The following DPH6 variants were observed in gnomAD, a reference collection of about 807,000 sequenced individuals.
DPH6 encodes diphthamine biosynthesis 6.
Under a neutral mutation model 38.2 loss-of-function variants are expected in DPH6, and 33 were observed. That is an observed-to-expected ratio of 0.86 (90% CI 0.65 to 1.15). DPH6 has a LOEUF of 1.15. Among genes scored for constraint, DPH6 ranks in the 50% most tolerant of loss-of-function variants. The pLI is 0.00. For missense variants in DPH6, 325 were observed against 320.0 expected, an observed-to-expected ratio of 1.02 and a Z score of -0.12; for synonymous variants, 108 against 103.0, an observed-to-expected ratio of 1.05 and a Z score of -0.30.
rs559386209 is a variant in DPH6 at position 35,218,560 on chromosome 15, T to C, written n.2223A>G. 2.6e-5 allele frequency: 4 copies of C among 152,332 alleles called. No individual in the cohort carries two copies. In the South Asian group the frequency reaches 6.2e-4, roughly 24 times the overall value. The allele number at this position is 152,332 out of a possible 1,614,324, so 9.4% of individuals were successfully genotyped here. A position where few individuals can be genotyped will look rare whatever the true frequency, so the allele number is the denominator to read the frequency against. On this transcript the variant is annotated non_coding_transcript_exon_variant, in exon 4 of 4. Coordinates refer to the DPH6 transcript ENST00000560386. The stretch of plus-strand genomic sequence containing the variant: ...ATTAATACTCAGGGCAATAAAGACT[T>C]CTTACTGATTAAGTTAGACAGAAAT...
At chr15:35,325,066 T>G (rs1438182240) in intron 3 of DPH6, among the ~76,000 whole-genome samples, 1 of 152,156 alleles carries the variant, frequency 6.6e-6, no homozygotes, top group Non-Finnish European at 1.5e-5. Flanking sequence ...TTGGTGCCCT[T>G]GATTTCTCTT....
chr15:35,209,671 G>A, the DPH6 span, among the ~76,000 whole-genome samples: 1 of 152,088 alleles, frequency 6.6e-6, no homozygotes, highest in Non-Finnish European at 1.5e-5. Flanking sequence ...TAAGCTTCTT[G>A]TACAGAACTC....
chr15:35,401,873 C>G (rs2053224902), intron 6 of DPH6: 2 of 485,412 alleles, frequency 4.1e-6, no homozygotes, highest in African/African-American at 3.9e-5. Context: ...ACAGTGGTGG[C>G]AGGGCCTAGC....
At chr15:35,344,039 T>C (rs532271188) in intron 3 of DPH6, among the ~76,000 whole-genome samples, 1 of 152,158 alleles carries the variant, frequency 6.6e-6, no homozygotes, top group Admixed American at 6.5e-5. Flanking sequence ...ATAACAGTTA[T>C]GTGTTTTTAA....
At chr15:35,297,995 T>G (rs1369628740) in intron 3 of DPH6, among the ~76,000 whole-genome samples, 1 of 152,206 alleles carries the variant, frequency 6.6e-6, no homozygotes, top group Non-Finnish European at 1.5e-5. Flanking sequence ...CCACTGCTCT[T>G]TATCTTATTA....
rs376639266 is a variant in DPH6 at position 35,434,935 on chromosome 15, A to G, written c.505+15750T>C. Among the ~76,000 whole-genome samples, 9 of 149,480 alleles carry G rather than the reference A, an allele frequency of 6.0e-5. No individual in the cohort carries two copies. In the East Asian group the frequency reaches 1.4e-3, roughly 23 times the overall value. ...ACTACAGGTATATGCCACCATGCCC[A>G]GCTATTTTTTTTTTTTTTTGTACAG... On this transcript the variant is annotated intron_variant, in intron 5 of 8. Transcript: ENST00000256538.
At chr15:35,303,915 T>C (rs1325014029) in intron 3 of DPH6, among the ~76,000 whole-genome samples, 1 of 152,054 alleles carries the variant, frequency 6.6e-6, no homozygotes, top group African/African-American at 2.4e-5. Context: ...GCCGTGATTA[T>C]ATTCCTGAAA....
rs577880727 is a variant in DPH6, at chr15:35,412,228, AG to A, written c.506-1333del. On this transcript the variant is annotated intron_variant, in intron 5 of 8. Transcript: ENST00000256538. ...AGACACCTCGCTAAAGATATATATA[AG>A]CATATGAAAAGATCCTCCACATCAT... 1.0e-3 allele frequency among the ~76,000 whole-genome samples: 154 copies of A among 151,918 alleles called. 1 individual carries two copies. The highest frequency in any genetic ancestry group is 3.6e-3 in the African/African-American group (149 of 41,532).
downstream of DPH6, among the ~76,000 whole-genome samples, chr15:35,327,103 A>C (rs1217488367): frequency 6.6e-6 from 1 of 152,120 alleles, no homozygotes; most frequent in Non-Finnish European, 1.5e-5. Flanking sequence ...GGCCCTATAA[A>C]ATGTCCAAAT....
chr15:35,219,399 G>A (rs1397982745), exon 4 of DPH6: 2 of 152,214 alleles, frequency 1.3e-5, no homozygotes, highest in East Asian at 1.9e-4. Context: ...CGATACTTTT[G>A]AAAATGTATG....
chr15:35,265,692 T>A (rs1427819610), intron 3 of DPH6, among the ~76,000 whole-genome samples: 1 of 152,158 alleles, frequency 6.6e-6, no homozygotes, highest in East Asian at 1.9e-4. Flanking sequence ...CAGTCACTAA[T>A]CCCCATAATA....
intron 3 of DPH6, among the ~76,000 whole-genome samples, chr15:35,528,400 C>T (rs888845026): frequency 6.6e-5 from 10 of 152,020 alleles, no homozygotes; most frequent in African/African-American, 2.4e-4. Flanking sequence ...TTACCAATAT[C>T]GCTCAGTAAA....
At chr15:35,425,549 C>T (rs2053558096) in intron 5 of DPH6, among the ~76,000 whole-genome samples, 1 of 150,916 alleles carries the variant, frequency 6.6e-6, no homozygotes, top group Non-Finnish European at 1.5e-5. Flanking sequence ...GGTAGAAAGA[C>T]AAATTTTAGA....
chr15:35,457,673 TTC>T (rs2054014057), intron 3 of DPH6, among the ~76,000 whole-genome samples: 1 of 152,190 alleles, frequency 6.6e-6, no homozygotes, highest in African/African-American at 2.4e-5. Context: ...GTTACTGAAT[TTC>T]TCTGTGTCTG....
intron 6 of DPH6, among the ~76,000 whole-genome samples, chr15:35,396,693 A>T (rs2053138166): frequency 6.6e-6 from 1 of 152,178 alleles, no homozygotes; most frequent in African/African-American, 2.4e-5. Flanking sequence ...TATTTATAAT[A>T]GCCATTGGAT....
the DPH6 span, among the ~76,000 whole-genome samples, chr15:35,158,267 AT>A: frequency 1.2e-4 from 19 of 152,166 alleles, no homozygotes; most frequent in Admixed American, 9.8e-4. Flanking sequence ...ATGAACTAAG[AT>A]TTTTGTTTTT....
intron 6 of DPH6, among the ~76,000 whole-genome samples, chr15:35,402,116 G>A (rs1471499992): frequency 1.3e-5 from 2 of 152,172 alleles, no homozygotes; most frequent in African/African-American, 4.8e-5. Context: ...TAAAAAACGT[G>A]TTGTGTAGTT....
chr15:35,209,071 T>C, the DPH6 span, among the ~76,000 whole-genome samples: 4,323 of 152,200 alleles, frequency 0.028, 284 homozygotes, highest in East Asian at 0.3. Context: ...ACGTGGTCTT[T>C]TTCCCCCATT....
downstream of DPH6, among the ~76,000 whole-genome samples, chr15:35,213,886 G>A (rs1043561573): frequency 8.5e-5 from 13 of 152,182 alleles, no homozygotes; most frequent in Admixed American, 2.0e-4. Flanking sequence ...GCCGAGGCGG[G>A]TGGATCACAA....
Sources: allele counts gnomAD v4.1 joint callset (sites outside exome capture counted in the v4.1 genomes callset), GRCh38; gene constraint gnomAD v4.1.1; transcripts MANE v1.5; gene names NCBI Gene and HGNC (gene_info 2026-07-23, HGNC 2026-07-21).